The following UTF1 variants were observed in gnomAD, a reference collection of about 807,000 sequenced individuals.
UTF1 encodes undifferentiated embryonic cell transcription factor 1.
Under a neutral mutation model 11.8 loss-of-function variants are expected in UTF1, and 8 were observed. The ratio of observed to expected loss-of-function variants is 0.68; its 90% CI spans 0.40 to 1.23. The LOEUF (loss-of-function observed/expected upper bound fraction) is 1.23. Among genes scored for constraint, UTF1 ranks in the 50% most tolerant of loss-of-function variants. The pLI is 0.01. For synonymous variants in UTF1, 344 were observed against 271.7 expected, an observed-to-expected ratio of 1.27 and a Z score of -2.62; for missense variants, 545 against 542.1, an observed-to-expected ratio of 1.01 and a Z score of -0.05.
Position 133,230,429 on chromosome 10 carries a change from G to A in UTF1, c.141G>A (p.Gly47=). ...GGCCCGCCTCGCCCAGCGCGCTGGGGGAACTCGGGTTGCCGGTGTCCCCGG... is the reference window on the plus strand; with the variant it reads ...GGCCCGCCTCGCCCAGCGCGCTGGGAGAACTCGGGTTGCCGGTGTCCCCGG... The part of the protein sequence containing the change: ...PRRPASPSAL[G]ELGLPVSPGS... The change falls in exon 1 of 2, where the codon GGG becomes GGA. Residue 47 remains glycine, a synonymous_variant. Transcript: ENST00000304477. The A allele has an allele frequency of 2.9e-6, 4 of 1,380,898 alleles. No individual in the cohort carries two copies. Among genetic ancestry groups the A allele is most frequent in the Non-Finnish European group, 1.9e-6 (2 of 1,064,630 alleles). The allele number at this position is 1,380,898 out of a possible 1,614,324, so 85.5% of individuals were successfully genotyped here.
chr10:133,231,488 G>T lies in UTF1; in HGVS notation c.*46G>T. On this transcript the variant is annotated 3_prime_UTR_variant, in exon 2 of 2. Transcript: ENST00000304477. ...CCCCTCTCCAGGCCGAGGCCCCTCC[G>T]CCCTGACCCCTCCTGCTGCCTTCCC... 7.4e-7 allele frequency: 1 copy of T among 1,349,398 alleles called. No individual in the cohort carries two copies. The highest frequency in any genetic ancestry group is 9.7e-7 in the Non-Finnish European group (1 of 1,036,052). 83.6% of individuals were successfully genotyped at this position (1,349,398 alleles called of 1,614,324 possible).
At position 133,231,519 on chromosome 10, in the gene UTF1, C is replaced by T; in HGVS notation, c.*77C>T. On this transcript the variant is annotated 3_prime_UTR_variant, in exon 2 of 2. Coordinates refer to ENST00000304477, the MANE Select transcript of UTF1 (RefSeq NM_003577.3). ...ACCCCTCCTGCTGCCTTCCCACCCC[C>T]GTTCTTGGGTATGTTCAATAAAAGG... The T allele has an allele frequency of 1.8e-6, 2 of 1,140,454 alleles. No homozygotes were observed. The highest frequency in any genetic ancestry group is 2.4e-6 in the Non-Finnish European group (2 of 850,650). 70.6% of individuals were successfully genotyped at this position (1,140,454 alleles called of 1,614,324 possible).
Position 133,231,038 on chromosome 10 carries a change from C to G in UTF1, c.622C>G (p.Pro208Ala). 7.6e-7 allele frequency: 1 copy of G among 1,314,754 alleles called. No homozygotes were observed. Among genetic ancestry groups the G allele is most frequent in the East Asian group, 3.2e-5 (1 of 31,480 alleles). The allele number at this position is 1,314,754 out of a possible 1,614,324, so 81.4% of individuals were successfully genotyped here. ...CTGGACGCTCCGCTTCAGCCCGTCC[C>G]CACCGAAGTCTGCGGACGCCTCCCC... ...PTWTLRFSPSPPKSADASPAP... is the reference protein window; with the variant it reads ...PTWTLRFSPSAPKSADASPAP... The change falls in exon 2 of 2, where the codon CCA becomes GCA. Residue 208 changes from proline (P) to alanine (A), a missense_variant. Pro to Ala is a conservative substitution (Grantham distance 27). Coordinates refer to ENST00000304477, the MANE Select transcript of UTF1 (RefSeq NM_003577.3).
At position 133,230,841 on chromosome 10, in the gene UTF1, A is replaced by G; in HGVS notation, c.550+3A>G. On this transcript the variant is annotated splice_donor_region_variant and intron_variant, in intron 1 of 1. Coordinates refer to ENST00000304477, the MANE Select transcript of UTF1 (RefSeq NM_003577.3). ...CGCGCCGGCTCCCAGCGAACCAGGT[A>G]GGCGGGGGACTGGGGGGCCAGGTGG... is the stretch of plus-strand genomic sequence containing the variant. 1 of 1,298,732 alleles carries G rather than the reference A, an allele frequency of 7.7e-7. No homozygotes were observed. Among genetic ancestry groups the G allele is most frequent in the Non-Finnish European group, 9.7e-7 (1 of 1,031,348 alleles). 80.5% of individuals were successfully genotyped at this position (1,298,732 alleles called of 1,614,324 possible).
chr10:133,231,213 C>G lies in UTF1; in HGVS notation c.797C>G (p.Ala266Gly), dbSNP rs1197028354. The change falls in exon 2 of 2, where the codon GCG (alanine) becomes GGG (glycine). Residue 266 changes from alanine to glycine, a missense_variant. By Grantham distance (60) the Ala-to-Gly change is moderately conservative. Transcript: ENST00000304477. ...CCGCCCGGCCGCCCCGAGGACTGCG[C>G]GCCCCCTCCGGCCGCGCCCCCGTCG... The part of the protein sequence containing the change: ...DSPPGRPEDC[A>G]PPPAAPPSLN... The G allele has an allele frequency of 6.6e-7, 1 of 1,518,028 alleles. No homozygotes were observed. Among genetic ancestry groups the G allele is most frequent in the Non-Finnish European group, 8.8e-7 (1 of 1,139,538 alleles). The allele number at this position is 1,518,028 out of a possible 1,614,324, so 94.0% of individuals were successfully genotyped here.
In UTF1 at chr10:133,231,235, G is replaced by A. The variant is rs760024028; in HGVS notation, c.819G>A (p.Pro273=). ...GCGCGCCCCCTCCGGCCGCGCCCCCGTCGCTGAACACCGCCCTGCTGCAGA... is the reference window on the plus strand; with the variant it reads ...GCGCGCCCCCTCCGGCCGCGCCCCCATCGCTGAACACCGCCCTGCTGCAGA... ...EDCAPPPAAP[P]SLNTALLQTL... The change falls in exon 2 of 2, where the codon CCG becomes CCA. Residue 273 remains proline, a synonymous_variant. Coordinates refer to ENST00000304477, the MANE Select transcript of UTF1 (RefSeq NM_003577.3). The A allele has an allele frequency of 8.4e-6, 13 of 1,539,564 alleles. No individual in the cohort carries two copies. Among genetic ancestry groups the A allele is most frequent in the Non-Finnish European group, 9.6e-6 (11 of 1,149,306 alleles).
In UTF1 at chr10:133,231,189, C is replaced by T. The variant is rs1845795024; in HGVS notation, c.773C>T (p.Pro258Leu). 2.9e-6 allele frequency: 4 copies of T among 1,385,934 alleles called. No individual in the cohort carries two copies. Among genetic ancestry groups the T allele is most frequent in the Non-Finnish European group, 2.8e-6 (3 of 1,074,464 alleles). The allele number at this position is 1,385,934 out of a possible 1,614,324, so 85.9% of individuals were successfully genotyped here. ...PPPAREDPDS[P>L]PGRPEDCAPP... ...CCGGCCCGCGAAGACCCCGACTCGC[C>T]GCCCGGCCGCCCCGAGGACTGCGCG... is the stretch of plus-strand genomic sequence containing the variant. The change falls in exon 2 of 2, where the codon CCG becomes CTG. Residue 258 changes from proline to leucine, a missense_variant. Physicochemically the swap from Pro to Leu is moderately conservative, Grantham distance 98. Coordinates refer to ENST00000304477, the MANE Select transcript of UTF1 (RefSeq NM_003577.3).
In UTF1 at chr10:133,230,399, C is replaced by G; in HGVS notation, c.111C>G (p.Pro37=). ...RTPGDAPGTP[P]RRPASPSALG... is the part of the protein sequence containing the mutation. Reference sequence around the variant, plus strand: ...CCGGAGACGCCCCGGGGACCCCGCCCCGGAGGCCCGCCTCGCCCAGCGCGC... The same window carrying G: ...CCGGAGACGCCCCGGGGACCCCGCCGCGGAGGCCCGCCTCGCCCAGCGCGC... The change falls in exon 1 of 2, where the codon CCC becomes CCG. Residue 37 remains proline (P), a synonymous_variant. Transcript: ENST00000304477. 1 of 1,312,146 alleles carries G rather than the reference C, an allele frequency of 7.6e-7. No individual in the cohort carries two copies. The highest frequency in any genetic ancestry group is 9.7e-7 in the Non-Finnish European group (1 of 1,026,402). The allele number at this position is 1,312,146 out of a possible 1,614,324, so 81.3% of individuals were successfully genotyped here. A position where few individuals can be genotyped will look rare whatever the true frequency, so the allele number is the denominator to read the frequency against.
Position 133,230,963 on chromosome 10 carries a change from C to G in UTF1, c.551-4C>G, listed in dbSNP as rs1261557384. 2.3e-6 allele frequency: 3 copies of G among 1,306,686 alleles called. No homozygotes were observed. Among genetic ancestry groups the G allele is most frequent in the Admixed American group, 4.1e-5 (1 of 24,468 alleles). The allele number at this position is 1,306,686 out of a possible 1,614,324, so 80.9% of individuals were successfully genotyped here. ...CCGCCCGACCGCCTGCTCCGCGTTCCCAGACGCCACCCCGCTGCCCACCGC... is the reference window on the plus strand; with the variant it reads ...CCGCCCGACCGCCTGCTCCGCGTTCGCAGACGCCACCCCGCTGCCCACCGC... On this transcript the variant is annotated splice_region_variant and splice_polypyrimidine_tract_variant and intron_variant, in intron 1 of 1. Coordinates refer to ENST00000304477, the MANE Select transcript of UTF1 (RefSeq NM_003577.3).
At position 133,230,567 on chromosome 10, in the gene UTF1, C is replaced by A; in HGVS notation, c.279C>A (p.Pro93=). The change falls in exon 1 of 2, where the codon CCC becomes CCA. Residue 93 remains proline (P), a synonymous_variant. Coordinates refer to ENST00000304477, the MANE Select transcript of UTF1 (RefSeq NM_003577.3). ...ALLLDRRQAL[P]TYRRVSAALA... ...TCCTGGACCGCCGCCAGGCCCTGCC[C>A]ACCTACCGCCGCGTGTCGGCCGCGC... The A allele has an allele frequency of 7.1e-7, 1 of 1,411,200 alleles. No homozygotes were observed. The highest frequency in any genetic ancestry group is 3.0e-5 in the Admixed American group (1 of 32,800). The allele number at this position is 1,411,200 out of a possible 1,614,324, so 87.4% of individuals were successfully genotyped here. A position where few individuals can be genotyped will look rare whatever the true frequency, so the allele number is the denominator to read the frequency against.
In UTF1 at chr10:133,231,487, C is replaced by T; in HGVS notation, c.*45C>T. 7.4e-7 allele frequency: 1 copy of T among 1,349,398 alleles called. No individual in the cohort carries two copies. Among genetic ancestry groups the T allele is most frequent in the South Asian group, 1.6e-5 (1 of 62,650 alleles). The allele number at this position is 1,349,398 out of a possible 1,614,324, so 83.6% of individuals were successfully genotyped here. A position where few individuals can be genotyped will look rare whatever the true frequency, so the allele number is the denominator to read the frequency against. On this transcript the variant is annotated 3_prime_UTR_variant, in exon 2 of 2. Coordinates refer to ENST00000304477, the MANE Select transcript of UTF1 (RefSeq NM_003577.3). The stretch of plus-strand genomic sequence containing the variant: ...TCCCCTCTCCAGGCCGAGGCCCCTC[C>T]GCCCTGACCCCTCCTGCTGCCTTCC...
Position 133,230,317 on chromosome 10 carries a change from C to G in UTF1, c.29C>G (p.Pro10Arg), listed in dbSNP as rs1845779283. The change falls in exon 1 of 2, where the codon CCG becomes CGG. Residue 10 changes from proline (P) to arginine (R), a missense_variant. Coordinates refer to ENST00000304477, the MANE Select transcript of UTF1 (RefSeq NM_003577.3). Reference sequence around the variant, plus strand: ...CTGCTCCGGCCCCGCAGGCCGCCCCCGCTCGCGCCCCCCGCGCCGCCCTCG... The same window carrying G: ...CTGCTCCGGCCCCGCAGGCCGCCCCGGCTCGCGCCCCCCGCGCCGCCCTCG... MLLRPRRPP[P>R]LAPPAPPSPA... 2 of 1,093,392 alleles carry G rather than the reference C, an allele frequency of 1.8e-6. No individual in the cohort carries two copies. Among genetic ancestry groups the G allele is most frequent in the Non-Finnish European group, 2.2e-6 (2 of 901,680 alleles). 67.7% of individuals were successfully genotyped at this position (1,093,392 alleles called of 1,614,324 possible). A position where few individuals can be genotyped will look rare whatever the true frequency, so the allele number is the denominator to read the frequency against.
Position 133,231,399 on chromosome 10 carries a change from G to A in UTF1, c.983G>A (p.Ser328Asn). 1 of 1,564,592 alleles carries A rather than the reference G, an allele frequency of 6.4e-7. No individual in the cohort carries two copies. Among genetic ancestry groups the A allele is most frequent in the African/African-American group, 1.4e-5 (1 of 73,402 alleles). The change falls in exon 2 of 2, where the codon AGC becomes AAC. Residue 328 changes from serine (S) to asparagine (N), a missense_variant. Physicochemically the swap from Ser to Asn is conservative, Grantham distance 46 (BLOSUM62 1). This residue lies in a region of UTF1 where 394 missense variants were observed against 341.5 expected (regional missense o/e 1.15). Transcript: ENST00000304477. ...VSLAVGFILG[S>N]AAAERGVLRD... ...CTGGCCGTGGGCTTCATTCTGGGCA[G>A]CGCGGCCGCCGAGCGAGGGGTCCTC...
rs748715609 is a variant in UTF1 at position 133,231,513 on chromosome 10, C to G, written c.*71C>G. The G allele has an allele frequency of 2.5e-5, 31 of 1,221,712 alleles. No individual in the cohort carries two copies. Among genetic ancestry groups the G allele is most frequent in the Admixed American group, 1.0e-4 (3 of 29,714 alleles). 75.7% of individuals were successfully genotyped at this position (1,221,712 alleles called of 1,614,324 possible). A position where few individuals can be genotyped will look rare whatever the true frequency, so the allele number is the denominator to read the frequency against. ...GCCCTGACCCCTCCTGCTGCCTTCC[C>G]ACCCCCGTTCTTGGGTATGTTCAAT... is the stretch of plus-strand genomic sequence containing the variant. On this transcript the variant is annotated 3_prime_UTR_variant, in exon 2 of 2. Transcript: ENST00000304477.
At position 133,230,730 on chromosome 10, in the gene UTF1, G is replaced by A. The variant is rs1429815845; in HGVS notation, c.442G>A (p.Gly148Ser). 2 of 1,434,440 alleles carry A rather than the reference G, an allele frequency of 1.4e-6. No homozygotes were observed. Among genetic ancestry groups the A allele is most frequent in the Non-Finnish European group, 1.8e-6 (2 of 1,096,132 alleles). 88.9% of individuals were successfully genotyped at this position (1,434,440 alleles called of 1,614,324 possible). Reference protein sequence around the residue: ...EQIRKLMGLLGDNGRKRPRRR... With the variant: ...EQIRKLMGLLSDNGRKRPRRR... ...GATCCGGAAGCTCATGGGGCTGCTG[G>A]GCGACAACGGGCGCAAACGGCCTCG... Residue 148 changes from glycine (G) to serine (S), a missense_variant, in exon 1 of 2, where the codon GGC becomes AGC. Gly to Ser is a moderately conservative substitution (Grantham distance 56, BLOSUM62 0). Transcript: ENST00000304477.
chr10:133,230,853 G>A lies in UTF1; in HGVS notation c.550+15G>A, dbSNP rs150663748. The A allele has an allele frequency of 0.07, 90,496 of 1,293,762 alleles. 4,159 individuals are homozygous for A. The highest frequency in any genetic ancestry group is 0.22 in the African/African-American group (14,315 of 64,246). The allele number at this position is 1,293,762 out of a possible 1,614,324, so 80.1% of individuals were successfully genotyped here. ...CAGCGAACCAGGTAGGCGGGGGACT[G>A]GGGGGCCAGGTGGGGCCGAGGACTG... On this transcript the variant is annotated intron_variant, in intron 1 of 1. Transcript: ENST00000304477.
Position 133,230,725 on chromosome 10 carries a change from T to C in UTF1, c.437T>C (p.Leu146Pro). The C allele has an allele frequency of 6.9e-7, 1 of 1,444,858 alleles. No homozygotes were observed. Among genetic ancestry groups the C allele is most frequent in the Non-Finnish European group, 9.1e-7 (1 of 1,101,748 alleles). The allele number at this position is 1,444,858 out of a possible 1,614,324, so 89.5% of individuals were successfully genotyped here. The change falls in exon 1 of 2, where the codon CTG becomes CCG. Residue 146 changes from leucine (L) to proline (P), a missense_variant. Leu to Pro is a moderately conservative substitution (Grantham distance 98). Around this residue, in one of 3 missense-constraint regions of UTF1, gnomAD observed 394 missense variants for 341.5 expected, o/e 1.15. Transcript: ENST00000304477. The stretch of plus-strand genomic sequence containing the variant: ...GAGCAGATCCGGAAGCTCATGGGGC[T>C]GCTGGGCGACAACGGGCGCAAACGG... ...FDEQIRKLMGLLGDNGRKRPR... is the reference protein window; with the variant it reads ...FDEQIRKLMGPLGDNGRKRPR...
chr10:133,231,348 G>A lies in UTF1; in HGVS notation c.932G>A (p.Arg311His). Residue 311 changes from arginine to histidine, a missense_variant, in exon 2 of 2, where the codon CGC becomes CAC. Arg to His is a conservative substitution (Grantham distance 29, BLOSUM62 0). Around this residue, in one of 3 missense-constraint regions of UTF1, gnomAD observed 394 missense variants for 341.5 expected, o/e 1.15. Coordinates refer to ENST00000304477, the MANE Select transcript of UTF1 (RefSeq NM_003577.3). ...LTLNQHVEQL[R>H]GAFDQTVSLA... The stretch of plus-strand genomic sequence containing the variant: ...TTGAACCAGCACGTGGAGCAGCTGC[G>A]CGGCGCCTTCGACCAGACAGTGTCC... 2 of 1,597,498 alleles carry A rather than the reference G, an allele frequency of 1.3e-6. No homozygotes were observed. The highest frequency in any genetic ancestry group is 1.7e-6 in the Non-Finnish European group (2 of 1,176,142).
Position 133,231,506 on chromosome 10 carries a change from G to A in UTF1, c.*64G>A. ...CCCCTCCGCCCTGACCCCTCCTGCT[G>A]CCTTCCCACCCCCGTTCTTGGGTAT... On this transcript the variant is annotated 3_prime_UTR_variant, in exon 2 of 2. Transcript: ENST00000304477. The A allele has an allele frequency of 1.6e-6, 2 of 1,259,058 alleles. No individual in the cohort carries two copies. Among genetic ancestry groups the A allele is most frequent in the Non-Finnish European group, 2.1e-6 (2 of 956,772 alleles). The allele number at this position is 1,259,058 out of a possible 1,614,324, so 78.0% of individuals were successfully genotyped here. A position where few individuals can be genotyped will look rare whatever the true frequency, so the allele number is the denominator to read the frequency against.
Sources: gnomAD v4.1 joint callset for allele counts on GRCh38, gnomAD v4.1.1 for gene constraint, gnomAD v4.1.1 regional missense constraint, MANE v1.5 for transcripts, NCBI Gene and HGNC (gene_info 2026-07-23, HGNC 2026-07-21) for gene names.